RBM33: variants seen among roughly 807,000 people sequenced by gnomAD.
RBM33 encodes RNA binding motif protein 33.
In RBM33, 28 loss-of-function variants were observed where a neutral mutation model predicts 132.6. That is an observed-to-expected ratio of 0.21 (90% CI 0.16 to 0.29). The LOEUF is 0.29. RBM33 is among the 10% of genes least tolerant of loss of function. RBM33 has a pLI of 1.00. For synonymous variants in RBM33, 634 were observed against 593.0 expected, an observed-to-expected ratio of 1.07 and a Z score of -1.01; for missense variants, 1,291 against 1,518.5, an observed-to-expected ratio of 0.85 and a Z score of 2.49.
At chr7:155,770,397 C>G (rs956347285) in intron 16 of RBM33, among the ~76,000 whole-genome samples, 1 of 152,166 alleles carries the variant, frequency 6.6e-6, no homozygotes, top group African/African-American at 2.4e-5. Context: ...TCCTGCACAC[C>G]GTTCCATACA....
chr7:155,746,359 G>T (rs1356605733), intron 14 of RBM33: 1 of 151,104 alleles, frequency 6.6e-6, no homozygotes, highest in Non-Finnish European at 1.5e-5. Context: ...TCTGTTTTCA[G>T]TTTGCCCCAT....
intron 5 of RBM33, among the ~76,000 whole-genome samples, chr7:155,686,546 T>C (rs1433477361): frequency 1.3e-5 from 2 of 152,088 alleles, no homozygotes; most frequent in East Asian, 3.9e-4. Flanking sequence ...TTGTTACATA[T>C]GTATACATGC....
intron 1 of RBM33, among the ~76,000 whole-genome samples, chr7:155,659,093 A>G (rs796462538): frequency 6.2e-4 from 95 of 152,320 alleles, no homozygotes; most frequent in African/African-American, 2.2e-3. Flanking sequence ...AGCAACCTTC[A>G]TTGTGTAACA....
intron 9 of RBM33, among the ~76,000 whole-genome samples, chr7:155,730,179 C>T (rs73734714): frequency 0.013 from 1,989 of 152,242 alleles, 50 homozygotes; most frequent in African/African-American, 0.046. Context: ...CTCACGGACC[C>T]GGCAGTTGAA....
chr7:155,663,012 A>G (rs993940690), intron 1 of RBM33, among the ~76,000 whole-genome samples: 91 of 152,284 alleles, frequency 6.0e-4, no homozygotes, highest in African/African-American at 2.0e-3. Flanking sequence ...GATTTCTGGA[A>G]TAAGTGTCTT....
chr7:155,776,436 A>T lies in RBM33; in HGVS notation c.*1395A>T, dbSNP rs1244008788. ...CTCAGCCTCCTAGAAGGAAGGGACT[A>T]AGGAGACGGGCACAGACTTGCGTCA... On this transcript the variant is annotated 3_prime_UTR_variant, in exon 18 of 18. Coordinates refer to ENST00000401878, the MANE Select transcript of RBM33 (RefSeq NM_053043.3). The surrounding 1 kb of genome is among the most constrained non-coding windows in gnomAD (Gnocchi z 4.0). The T allele has an allele frequency of 6.6e-6, 1 of 152,260 alleles. No homozygotes were observed. Among genetic ancestry groups the T allele is most frequent in the East Asian group, 1.9e-4 (1 of 5,202 alleles). 9.4% of individuals were successfully genotyped at this position (152,260 alleles called of 1,614,324 possible).
Position 155,680,843 on chromosome 7 carries a change from G to A in RBM33, c.502G>A (p.Glu168Lys). ...DQIEYVEEPE[E>K]EQLYTDEVLD... ...AATAGAATATGTGGAAGAGCCAGAG[G>A]AGGAGCAGCTTTACACTGATGAAGT... Residue 168 changes from glutamate to lysine, a missense_variant, in exon 5 of 18, where the codon GAG (glutamate) becomes AAG (lysine). This residue lies in a region of RBM33 where 194 missense variants were observed against 249.8 expected (regional missense o/e 0.78). Coordinates refer to ENST00000401878, the MANE Select transcript of RBM33 (RefSeq NM_053043.3). The A allele has an allele frequency of 6.2e-7, 1 of 1,613,898 alleles. No homozygotes were observed. Among genetic ancestry groups the A allele is most frequent in the Non-Finnish European group, 8.5e-7 (1 of 1,179,834 alleles).
intron 2 of RBM33, among the ~76,000 whole-genome samples, chr7:155,668,541 C>T (rs747621244): frequency 1.8e-4 from 28 of 152,134 alleles, no homozygotes; most frequent in Non-Finnish European, 3.2e-4. Flanking sequence ...TGTTCCTCAT[C>T]GGAAGCTCCT....
At chr7:155,758,638 A>T (rs1801930309) in intron 14 of RBM33, among the ~76,000 whole-genome samples, 1 of 151,674 alleles carries the variant, frequency 6.6e-6, no homozygotes, top group African/African-American at 2.4e-5. Context: ...TGTATAAGGT[A>T]CAAAAACTTG....
chr7:155,760,847 A>G (rs1012406383), intron 14 of RBM33, among the ~76,000 whole-genome samples: 1 of 152,206 alleles, frequency 6.6e-6, no homozygotes, highest in Non-Finnish European at 1.5e-5. Flanking sequence ...GAGAAGATTT[A>G]AGAGGCACAA....
chr7:155,725,419 G>T (rs569512132), intron 9 of RBM33, among the ~76,000 whole-genome samples: 5 of 152,014 alleles, frequency 3.3e-5, no homozygotes, highest in African/African-American at 1.2e-4. Context: ...ACAACTGGGC[G>T]CAGGAGGGAG....
intron 7 of RBM33, 78 bp from the exon 8 acceptor site, chr7:155,711,125 T>TA: frequency 1.4e-6 from 2 of 1,424,864 alleles, no homozygotes; most frequent in Non-Finnish European, 1.8e-6. Flanking sequence ...AGCATTCTTT[T>TA]AAATGTTGAT....
rs1434842780 is a variant in RBM33, at chr7:155,776,851, T to C, written c.*1810T>C. On this transcript the variant is annotated 3_prime_UTR_variant, in exon 18 of 18. Coordinates refer to ENST00000401878, the MANE Select transcript of RBM33 (RefSeq NM_053043.3). The surrounding 1 kb of genome is among the most constrained non-coding windows in gnomAD (Gnocchi z 4.0). ...TGTCACTGCCCACTCATTTCCACAG[T>C]TAGATACGGATGTGTTGATGTATTT... 6.6e-6 allele frequency: 1 copy of C among 152,324 alleles called. No individual in the cohort carries two copies. 9.4% of individuals were successfully genotyped at this position (152,324 alleles called of 1,614,324 possible). A position where few individuals can be genotyped will look rare whatever the true frequency, so the allele number is the denominator to read the frequency against.
At chr7:155,728,476 C>T (rs953188760) in intron 9 of RBM33, among the ~76,000 whole-genome samples, 32 of 152,156 alleles carry the variant, frequency 2.1e-4, no homozygotes, top group Non-Finnish European at 4.0e-4. Context: ...TAACTAAATT[C>T]CAAGGTCAGA....
intron 16 of RBM33, 82 bp downstream of exon 16, chr7:155,766,737 C>T (rs1285065004): frequency 1.0e-5 from 14 of 1,342,276 alleles, no homozygotes; most frequent in Non-Finnish European, 1.5e-5. Flanking sequence ...ACACAGTGCC[C>T]TTTGTGTTGG....
At position 155,722,681 on chromosome 7, in the gene RBM33, A is replaced by G. The variant is rs150003792; in HGVS notation, c.1260+4238A>G. On this transcript the variant is annotated intron_variant, in intron 9 of 17. Coordinates refer to ENST00000401878, the MANE Select transcript of RBM33 (RefSeq NM_053043.3). ...GTAACATAAAATGTCAACTGTTGGA[A>G]TATTTTAACATGTTGTTTTGAGACT... Among the ~76,000 whole-genome samples the G allele has an allele frequency of 3.4e-4, 52 of 152,336 alleles. No homozygotes were observed. The East Asian group carries it at 9.4e-3, about 28-fold the overall frequency.
intron 5 of RBM33, among the ~76,000 whole-genome samples, chr7:155,689,155 T>A (rs909977669): frequency 6.6e-6 from 1 of 152,196 alleles, no homozygotes; most frequent in Non-Finnish European, 1.5e-5. Context: ...TCAGAGCCCG[T>A]TATTGGTCTA....
At chr7:155,767,662 C>T (rs1237336767) in intron 16 of RBM33, among the ~76,000 whole-genome samples, 1 of 152,162 alleles carries the variant, frequency 6.6e-6, no homozygotes, top group Non-Finnish European at 1.5e-5. Context: ...TTACTGGCTT[C>T]CTGGGGAGAT....
intron 1 of RBM33, among the ~76,000 whole-genome samples, chr7:155,654,514 A>T (rs1013558947): frequency 6.6e-6 from 1 of 151,894 alleles, no homozygotes; most frequent in Non-Finnish European, 1.5e-5. Context: ...CTTTCTGACT[A>T]CTTCTCTCTA....
Sources: gnomAD v4.1 joint callset for allele counts (sites outside exome capture counted in the v4.1 genomes callset) on GRCh38, gnomAD v4.1.1 for gene constraint, gnomAD v4.1.1 regional missense constraint, Gnocchi (gnomAD v3.1) non-coding constraint, MANE v1.5 for transcripts, NCBI Gene and HGNC (gene_info 2026-07-23, HGNC 2026-07-21) for gene names.